Variants in CSPP1 observed in about 807,000 individuals in gnomAD.
CSPP1 encodes centrosome and spindle pole associated protein 1.
A neutral mutation model predicts 164.4 loss-of-function variants in CSPP1; 126 were observed. The observed-to-expected ratio is 0.77, with a 90% CI of 0.66 to 0.89. The LOEUF is 0.89. Ranked by LOEUF, CSPP1 falls within the 40% of genes least tolerant of loss-of-function variation. The pLI is 0.00. For missense variants in CSPP1, 1,395 were observed against 1,449.8 expected (o/e 0.96, Z 0.61); for synonymous variants, 472 against 476.7 (o/e 0.99, Z 0.13).
At chr8:67,152,235 C>G (rs1448699777) in intron 18 of CSPP1, among the ~76,000 whole-genome samples, 1 of 151,946 alleles carries the variant, frequency 6.6e-6, no homozygotes, top group Non-Finnish European at 1.5e-5. Flanking sequence ...ACACACATAT[C>G]TTTGCATATA....
At chr8:67,072,407 TACAA>T (rs945478681) in intron 1 of CSPP1, among the ~76,000 whole-genome samples, 15 of 152,268 alleles carry the variant, frequency 9.9e-5, no homozygotes, top group African/African-American at 3.6e-4. Context: ...CAAGAAAACT[TACAA>T]ACCACAGATT....
chr8:67,095,003 A>G (rs1812447668), intron 6 of CSPP1, among the ~76,000 whole-genome samples: 1 of 152,188 alleles, frequency 6.6e-6, no homozygotes, highest in African/African-American at 2.4e-5. Context: ...TGTTGAATGT[A>G]TGGATGATTC....
In CSPP1 at chr8:67,158,580, G is replaced by C. The variant is rs774250766; in HGVS notation, c.2375G>C (p.Arg792Thr). The C allele has an allele frequency of 1.5e-5, 24 of 1,599,582 alleles. No homozygotes were observed. Among genetic ancestry groups the C allele is most frequent in the Non-Finnish European group, 2.0e-5 (24 of 1,172,992 alleles). ...QEYEEEQEKKREKEEEQRLKN... is the reference protein window; with the variant it reads ...QEYEEEQEKKTEKEEEQRLKN... Reference sequence around the variant, plus strand: ...TATGAAGAGGAACAGGAAAAGAAAAGAGAGAAAGAGGAGGAGGTACATCTT... The same window carrying C: ...TATGAAGAGGAACAGGAAAAGAAAACAGAGAAAGAGGAGGAGGTACATCTT... The change falls in exon 20 of 31, where the codon AGA becomes ACA. Residue 792 changes from arginine to threonine, a missense_variant. Arg to Thr is a moderately conservative substitution (Grantham distance 71, BLOSUM62 -1). Transcript: ENST00000678616.
At chr8:67,190,417 T>C (rs1307492247) in intron 28 of CSPP1, among the ~76,000 whole-genome samples, 1 of 152,012 alleles carries the variant, frequency 6.6e-6, no homozygotes, top group African/African-American at 2.4e-5. Context: ...GGGGAGTGAT[T>C]GCCAGTGTGC....
intron 7 of CSPP1, chr8:67,099,424 GAT>G (rs1419025437): frequency 6.6e-6 from 1 of 152,088 alleles, no homozygotes; most frequent in Non-Finnish European, 1.5e-5. Context: ...GGGTCACAAG[GAT>G]AGTCTTAATC....
Position 67,111,884 on chromosome 8 carries a change from A to G in CSPP1, c.1094-88A>G, listed in dbSNP as rs530220233. ...TGCATATTAGTAATTATATGATACA[A>G]TTAAGATGGAGTTTTTAAGGACTTA... is the stretch of plus-strand genomic sequence containing the variant. On this transcript the variant is annotated intron_variant, in intron 9 of 30. Coordinates refer to ENST00000678616, the MANE Select transcript of CSPP1 (RefSeq NM_001382391.1). 375 of 709,002 alleles carry G rather than the reference A, an allele frequency of 5.3e-4. 1 individual carries two copies. The South Asian group carries it at 6.8e-3, about 13-fold the overall frequency. The allele number at this position is 709,002 out of a possible 1,614,324, so 43.9% of individuals were successfully genotyped here.
intron 15 of CSPP1, among the ~76,000 whole-genome samples, chr8:67,119,042 C>T (rs544341731): frequency 1.3e-5 from 2 of 152,164 alleles, no homozygotes; most frequent in East Asian, 3.9e-4. Flanking sequence ...CTCCTCATTC[C>T]CCTACCTCCG....
At chr8:67,110,238 A>T (rs1816569618) in intron 9 of CSPP1, among the ~76,000 whole-genome samples, 1 of 150,396 alleles carries the variant, frequency 6.6e-6, no homozygotes, top group Non-Finnish European at 1.5e-5. Flanking sequence ...CTGCTTCTGC[A>T]GTCTGAATTT....
intron 15 of CSPP1, among the ~76,000 whole-genome samples, chr8:67,130,309 G>T (rs1820959674): frequency 6.6e-6 from 1 of 152,216 alleles, no homozygotes; most frequent in Non-Finnish European, 1.5e-5. Flanking sequence ...ATAGGTAAAG[G>T]TTAAGAATTT....
chr8:67,074,989 C>T (rs930109919), intron 2 of CSPP1: 2 of 156,188 alleles, frequency 1.3e-5, no homozygotes, highest in African/African-American at 4.8e-5. Flanking sequence ...CTATGTTGGC[C>T]AGGCTGGTCT....
chr8:67,116,132 T>A lies in CSPP1; in HGVS notation c.1496+10T>A. ...AAATGGTGTCTCCCAGGTGCTTGTT[T>A]AAATGTTTTGTGTTTGGGAATTAGG... On this transcript the variant is annotated intron_variant, in intron 13 of 30. Transcript: ENST00000678616. 6.2e-7 allele frequency: 1 copy of A among 1,601,618 alleles called. No homozygotes were observed. Among genetic ancestry groups the A allele is most frequent in the Non-Finnish European group, 8.6e-7 (1 of 1,168,614 alleles).
chr8:67,125,806 A>T (rs539649976), intron 15 of CSPP1, among the ~76,000 whole-genome samples: 1 of 151,934 alleles, frequency 6.6e-6, no homozygotes, highest in Admixed American at 6.5e-5. Context: ...TTTGTTGTTA[A>T]TTTTATTTGG....
rs553082395 is a variant in CSPP1, at chr8:67,133,354, T to A, written c.1827+1274T>A. Among the ~76,000 whole-genome samples the A allele has an allele frequency of 4.6e-5, 7 of 152,336 alleles. No homozygotes were observed. The South Asian group carries it at 1.5e-3, about 32-fold the overall frequency. On this transcript the variant is annotated intron_variant, in intron 16 of 30. Transcript: ENST00000678616. ...GCTTAATACAGCTTTACAGAAGTAT[T>A]GCAGGTTTAGTTCCAGACCACAGCA...
chr8:67,161,439 C>A (rs1828327282), intron 21 of CSPP1, among the ~76,000 whole-genome samples: 1 of 152,052 alleles, frequency 6.6e-6, no homozygotes, highest in South Asian at 2.1e-4. Context: ...GTATTGCTTT[C>A]CAGAAGGATT....
chr8:67,104,250 TC>T (rs1814853786), intron 8 of CSPP1, among the ~76,000 whole-genome samples: 1 of 151,768 alleles, frequency 6.6e-6, no homozygotes, highest in East Asian at 1.9e-4. Flanking sequence ...GTTTCTGTCT[TC>T]CAAGAAAGGT....
At chr8:67,101,170 G>A (rs1814020458) in intron 7 of CSPP1, among the ~76,000 whole-genome samples, 1 of 152,196 alleles carries the variant, frequency 6.6e-6, no homozygotes, top group African/African-American at 2.4e-5. Flanking sequence ...GACACTTGGT[G>A]CCCAAGGTTT....
At chr8:67,135,792 C>T (rs1303495067) in intron 16 of CSPP1, 1 of 152,168 alleles carries the variant, frequency 6.6e-6, no homozygotes, top group African/African-American at 2.4e-5. Flanking sequence ...ACATAAGAGG[C>T]CTAGCTTTCA....
intron 4 of CSPP1, among the ~76,000 whole-genome samples, chr8:67,088,763 G>A (rs185226483): frequency 2.6e-5 from 4 of 151,696 alleles, no homozygotes; most frequent in Admixed American, 2.6e-4. Context: ...CTGGCGTGGT[G>A]GCAGGCGCCT....
chr8:67,085,050 A>G (rs1810097125), intron 3 of CSPP1, among the ~76,000 whole-genome samples: 1 of 152,080 alleles, frequency 6.6e-6, no homozygotes, highest in East Asian at 1.9e-4. Flanking sequence ...CCCTAAATGT[A>G]ATTTGATTTT....
Sources: gnomAD v4.1 joint callset for allele counts (sites outside exome capture counted in the v4.1 genomes callset) on GRCh38, gnomAD v4.1.1 for gene constraint, MANE v1.5 for transcripts, NCBI Gene and HGNC (gene_info 2026-07-23, HGNC 2026-07-21) for gene names.